The following GALNT10 variants were observed in gnomAD, a reference collection of about 807,000 sequenced individuals.
GALNT10 encodes GalNAc transferase 10.
A neutral mutation model predicts 75.0 loss-of-function variants in GALNT10; 41 were observed. The ratio of observed to expected loss-of-function variants is 0.55; its 90% CI spans 0.43 to 0.71. GALNT10 has a LOEUF of 0.71. Ranked by LOEUF, GALNT10 falls within the 30% of genes least tolerant of loss-of-function variation. The probability of loss-of-function intolerance (pLI) is 0.00; values close to 1 mark genes in which losing one functional copy is unlikely to be tolerated. For missense variants in GALNT10, 727 were observed against 818.5 expected (o/e 0.89, Z 1.36); for synonymous variants, 302 against 313.0 (o/e 0.96, Z 0.37).
In GALNT10 at chr5:154,376,546, A is replaced by G; in HGVS notation, c.754+84A>G. ...CCCCTCCTGCTGCAGGGAGCCATCC[A>G]TAAGCCTTCCCTTGCCTGTTCGAGA... On this transcript the variant is annotated intron_variant, in intron 5 of 11. Coordinates refer to ENST00000297107, the MANE Select transcript of GALNT10 (RefSeq NM_198321.4). The surrounding 1 kb of genome is among the most constrained non-coding windows in gnomAD (Gnocchi z 4.1). The G allele has an allele frequency of 1.0e-6, 1 of 979,270 alleles. No homozygotes were observed. Among genetic ancestry groups the G allele is most frequent in the Non-Finnish European group, 1.5e-6 (1 of 662,290 alleles). The allele number at this position is 979,270 out of a possible 1,614,324, so 60.7% of individuals were successfully genotyped here.
chr5:154,350,604 A>G (rs1391639497), intron 4 of GALNT10, among the ~76,000 whole-genome samples: 2 of 152,184 alleles, frequency 1.3e-5, no homozygotes, highest in Non-Finnish European at 2.9e-5. Flanking sequence ...AAAGTTAACA[A>G]CAAGCTGGAG....
chr5:154,253,426 A>G (rs1176907233), intron 1 of GALNT10, among the ~76,000 whole-genome samples: 4 of 151,464 alleles, frequency 2.6e-5, no homozygotes, highest in Non-Finnish European at 5.9e-5. Flanking sequence ...TAGCATTAGG[A>G]GATATACCTA....
intron 4 of GALNT10, among the ~76,000 whole-genome samples, chr5:154,356,928 AT>A (rs1755305683): frequency 2.6e-5 from 4 of 152,300 alleles, no homozygotes; most frequent in Non-Finnish European, 5.9e-5. Flanking sequence ...TTTTATTTTG[AT>A]TTTTAGTGTC....
At chr5:154,309,309 G>C (rs1754479367) in intron 3 of GALNT10, among the ~76,000 whole-genome samples, 3 of 152,226 alleles carry the variant, frequency 2.0e-5, no homozygotes. Flanking sequence ...TTAGGCTGGA[G>C]AGGTGTCTGG....
At chr5:154,373,069 C>G (rs949975962) in intron 4 of GALNT10, among the ~76,000 whole-genome samples, 5 of 152,182 alleles carry the variant, frequency 3.3e-5, no homozygotes, top group Admixed American at 1.3e-4. Flanking sequence ...GATGCTGTGT[C>G]AGACGCTGAG....
chr5:154,330,908 G>GGTGT (rs370103391), intron 4 of GALNT10, among the ~76,000 whole-genome samples: 1,395 of 126,020 alleles, frequency 0.011, 26 homozygotes, highest in African/African-American at 0.034. Context: ...AGACAGAGAG[G>GGTGT]GTGTGTGTGT....
Position 154,417,010 on chromosome 5 carries a change from C to A in GALNT10, c.*38C>A. On this transcript the variant is annotated 3_prime_UTR_variant, in exon 12 of 12. Coordinates refer to ENST00000297107, the MANE Select transcript of GALNT10 (RefSeq NM_198321.4). ...CCTTGGCAGGCCCCCCAGGGTCTGGCACTCACTGCAGACTTCCTCTTTCAA... is the reference window on the plus strand; with the variant it reads ...CCTTGGCAGGCCCCCCAGGGTCTGGAACTCACTGCAGACTTCCTCTTTCAA... The A allele has an allele frequency of 1.3e-6, 2 of 1,594,188 alleles. No homozygotes were observed. Among genetic ancestry groups the A allele is most frequent in the South Asian group, 1.1e-5 (1 of 90,344 alleles).
At chr5:154,192,779 G>A (rs1377682686) in intron 1 of GALNT10, among the ~76,000 whole-genome samples, 2 of 152,092 alleles carry the variant, frequency 1.3e-5, no homozygotes, top group Non-Finnish European at 2.9e-5. Flanking sequence ...CTCTCCTTTA[G>A]AATAGCTGTA....
Position 154,293,615 on chromosome 5 carries a change from T to TA in GALNT10, c.160-1201_160-1200insA, listed in dbSNP as rs1561652563. 6.3e-3 allele frequency among the ~76,000 whole-genome samples: 832 copies of TA among 132,882 alleles called. 9 individuals carry two copies. Among genetic ancestry groups the TA allele is most frequent in the East Asian group, 0.036 (175 of 4,862 alleles). 87.2% of individuals were successfully genotyped at this position (132,882 alleles called of 152,430 possible). On this transcript the variant is annotated intron_variant, in intron 1 of 11. Transcript: ENST00000297107. ...GGCTGATATATATATATATATATAT[T>TA]TTTTTTTTCCTTTCAGCCATTCAAT...
intron 4 of GALNT10, among the ~76,000 whole-genome samples, chr5:154,333,534 T>C (rs1180647164): frequency 2.0e-5 from 3 of 152,262 alleles, no homozygotes; most frequent in South Asian, 4.1e-4. Flanking sequence ...TCAGTGTACA[T>C]AGTGGTAAAG....
chr5:154,351,521 A>C (rs1755204353), intron 4 of GALNT10, among the ~76,000 whole-genome samples: 1 of 152,236 alleles, frequency 6.6e-6, no homozygotes, highest in Non-Finnish European at 1.5e-5. Flanking sequence ...TTATAATCAG[A>C]AAAAATATCC....
chr5:154,290,874 T>A (rs1754185294), intron 1 of GALNT10, among the ~76,000 whole-genome samples: 1 of 152,208 alleles, frequency 6.6e-6, no homozygotes, highest in Non-Finnish European at 1.5e-5. Flanking sequence ...GGAGGTGTAC[T>A]AATTGTCTCT....
chr5:154,354,471 G>A (rs13358967), intron 4 of GALNT10, among the ~76,000 whole-genome samples: 2,332 of 152,304 alleles, frequency 0.015, 64 homozygotes, highest in African/African-American at 0.053. Flanking sequence ...AGAGGAGTCC[G>A]TAGACAGAGA....
intron 1 of GALNT10, among the ~76,000 whole-genome samples, chr5:154,196,462 G>A (rs1032859159): frequency 6.6e-6 from 1 of 152,166 alleles, no homozygotes; most frequent in Non-Finnish European, 1.5e-5. Context: ...ACTGTAGTTG[G>A]CTTCAGGTAT....
rs2113234164 is a variant in GALNT10, at chr5:154,418,763, T to C, written c.*1791T>C. The C allele has an allele frequency of 6.6e-6, 1 of 152,338 alleles. No individual in the cohort carries two copies. The highest frequency in any genetic ancestry group is 2.4e-5 in the African/African-American group (1 of 41,592). The allele number at this position is 152,338 out of a possible 1,614,324, so 9.4% of individuals were successfully genotyped here. ...CAGCACAAGCCCTGCTTTGGCCACC[T>C]GTCTGCAAGAGAGGCGGCCCCTGTG... On this transcript the variant is annotated 3_prime_UTR_variant, in exon 12 of 12. Transcript: ENST00000297107.
At chr5:154,280,623 AC>A (rs1161875847) in intron 1 of GALNT10, among the ~76,000 whole-genome samples, 1 of 152,220 alleles carries the variant, frequency 6.6e-6, no homozygotes, top group Non-Finnish European at 1.5e-5. Context: ...CCCTTAAACA[AC>A]CGAAGTTTTC....
chr5:154,400,141 A>C (rs1216965407), intron 7 of GALNT10, among the ~76,000 whole-genome samples: 1 of 152,184 alleles, frequency 6.6e-6, no homozygotes, highest in Non-Finnish European at 1.5e-5. Context: ...CTGTCTCGAA[A>C]AGAAATAAAT....
chr5:154,212,303 A>G (rs1367021972), intron 1 of GALNT10, among the ~76,000 whole-genome samples: 1 of 152,158 alleles, frequency 6.6e-6, no homozygotes. Context: ...CTGATTATTG[A>G]TGTTGTCATA....
chr5:154,328,460 C>G (rs984482729), intron 3 of GALNT10, among the ~76,000 whole-genome samples: 2 of 152,158 alleles, frequency 1.3e-5, no homozygotes, highest in Non-Finnish European at 2.9e-5. Flanking sequence ...TATGAAAAAA[C>G]AAACTCACTG....
Sources: allele counts gnomAD v4.1 joint callset (sites outside exome capture counted in the v4.1 genomes callset), GRCh38; gene constraint gnomAD v4.1.1; non-coding constraint Gnocchi (gnomAD v3.1); transcripts MANE v1.5; gene names NCBI Gene and HGNC (gene_info 2026-07-23, HGNC 2026-07-21).